The following SORBS2 variants were observed in gnomAD, a reference collection of about 807,000 sequenced individuals.
The protein encoded by SORBS2 is sorbin and SH3 domain-containing protein 2.
Under a neutral mutation model 97.7 loss-of-function variants are expected in SORBS2, and 46 were observed. That is an observed-to-expected ratio of 0.47 (90% CI 0.37 to 0.60). The LOEUF is 0.60. Ranked by LOEUF, SORBS2 falls within the 20% of genes least tolerant of loss-of-function variation. The pLI is 0.00. For synonymous variants in SORBS2, 476 were observed against 473.4 expected (o/e 1.01, Z -0.07); for missense variants, 1,316 against 1,282.3 (o/e 1.03, Z -0.40).
intron 2 of SORBS2, among the ~76,000 whole-genome samples, chr4:185,688,504 A>AG (rs375654813): frequency 0.099 from 10,407 of 104,780 alleles, 468 homozygotes; most frequent in Non-Finnish European, 0.14. Flanking sequence ...ATAGATAGAT[A>AG]AATAGATAGA....
chr4:185,857,730 GTGTC>G (rs2099221356), intron 1 of SORBS2, among the ~76,000 whole-genome samples: 1 of 152,026 alleles, frequency 6.6e-6, no homozygotes, highest in African/African-American at 2.4e-5. Flanking sequence ...CGCTCTGGGA[GTGTC>G]TGTCTTATAC....
At chr4:185,683,014 CAAAAAAAA>C (rs35410308) in intron 2 of SORBS2, among the ~76,000 whole-genome samples, 1 of 109,452 alleles carries the variant, frequency 9.1e-6, no homozygotes, top group African/African-American at 3.4e-5. Flanking sequence ...CCACCCGTCT[CAAAAAAAA>C]AAAAAAAGAA....
At chr4:185,932,468 C>T (rs1374354829) in intron 1 of SORBS2, among the ~76,000 whole-genome samples, 12 of 152,002 alleles carry the variant, frequency 7.9e-5, no homozygotes, top group Non-Finnish European at 1.8e-4. Context: ...TTATCATTAA[C>T]AACAACAAAA....
chr4:185,828,019 C>T (rs1288534208), intron 1 of SORBS2, among the ~76,000 whole-genome samples: 1 of 147,458 alleles, frequency 6.8e-6, no homozygotes, highest in East Asian at 2.0e-4. Context: ...TCGTCACCAT[C>T]ATCATCATCT....
Position 185,694,245 on chromosome 4 carries a change from A to G in SORBS2, c.-197-15423T>C, listed in dbSNP as rs530591169. Among the ~76,000 whole-genome samples, 6 of 152,368 alleles carry G rather than the reference A, an allele frequency of 3.9e-5. No homozygotes were observed. The South Asian group carries it at 1.0e-3, about 26-fold the overall frequency. Reference sequence around the variant, plus strand: ...AAAAAGTGTCCTTGATTGTACTTACATAACAAGCACAGATTATTCTGGAAA... The same window carrying G: ...AAAAAGTGTCCTTGATTGTACTTACGTAACAAGCACAGATTATTCTGGAAA... On this transcript the variant is annotated intron_variant, in intron 2 of 20. Transcript: ENST00000284776.
intron 1 of SORBS2, among the ~76,000 whole-genome samples, chr4:185,873,843 A>T (rs1421604004): frequency 1.3e-5 from 2 of 152,206 alleles, no homozygotes; most frequent in Non-Finnish European, 2.9e-5. Flanking sequence ...ATATAACATG[A>T]ACATTTATAT....
chr4:185,682,697 A>G (rs1162200973), intron 2 of SORBS2, among the ~76,000 whole-genome samples: 1 of 152,182 alleles, frequency 6.6e-6, no homozygotes, highest in African/African-American at 2.4e-5. Context: ...TTCTTTATTC[A>G]AAAATATAAT....
intron 1 of SORBS2, among the ~76,000 whole-genome samples, chr4:185,805,200 T>C (rs2153661509): frequency 6.6e-6 from 1 of 150,554 alleles, no homozygotes; most frequent in East Asian, 2.0e-4. Flanking sequence ...TATATAATTG[T>C]TAAAGTATAA....
intron 2 of SORBS2, among the ~76,000 whole-genome samples, chr4:185,695,878 C>G (rs1326214736): frequency 6.6e-6 from 1 of 152,180 alleles, no homozygotes; most frequent in East Asian, 1.9e-4. Context: ...TGACTAGTTT[C>G]TCTAAATTGG....
intron 2 of SORBS2, among the ~76,000 whole-genome samples, chr4:185,745,799 G>A (rs780500555): frequency 2.0e-4 from 31 of 152,104 alleles, no homozygotes; most frequent in African/African-American, 2.2e-4. Context: ...CTCGGGCTAC[G>A]TGGGGAGGAA....
chr4:185,908,100 G>T (rs2099252151), intron 1 of SORBS2, among the ~76,000 whole-genome samples: 1 of 151,486 alleles, frequency 6.6e-6, no homozygotes. Flanking sequence ...GCATTCTCAG[G>T]ATATTGCTTT....
chr4:185,622,849 G>GA, intron 7 of SORBS2, 65 bp downstream of exon 19: 1 of 1,475,674 alleles, frequency 6.8e-7, no homozygotes, highest in Non-Finnish European at 9.1e-7. Context: ...TGTTGGAATG[G>GA]AAAATGAAAG....
intron 1 of SORBS2, among the ~76,000 whole-genome samples, chr4:185,944,193 C>T (rs563303808): frequency 1.2e-3 from 180 of 152,258 alleles, no homozygotes; most frequent in African/African-American, 4.2e-3. Flanking sequence ...TAGCCAACTA[C>T]TTTTTCTTAA....
At chr4:185,641,762 A>G (rs3749578) in intron 4 of SORBS2, among the ~76,000 whole-genome samples, 46,484 of 147,616 alleles carry the variant, frequency 0.31, 8,163 homozygotes, top group South Asian at 0.54. Context: ...CTTTTCATTA[A>G]AAAAAAAAAA....
intron 1 of SORBS2, among the ~76,000 whole-genome samples, chr4:185,807,670 C>A (rs2099162655): frequency 6.6e-6 from 1 of 152,192 alleles, no homozygotes. Flanking sequence ...TCAACAGTTG[C>A]AGAAGTGTTT....
chr4:185,751,865 C>T lies in SORBS2; in HGVS notation c.-198+23362G>A, dbSNP rs1472131833. ...AGCAGAGTACCTTTGCATTAAGGTGCGATTTAAAAATATGTTATTATCTAG... is the reference window on the plus strand; with the variant it reads ...AGCAGAGTACCTTTGCATTAAGGTGTGATTTAAAAATATGTTATTATCTAG... On this transcript the variant is annotated intron_variant, in intron 2 of 20. Transcript: ENST00000284776. Among the ~76,000 whole-genome samples the T allele has an allele frequency of 2.0e-5, 3 of 152,144 alleles. No homozygotes were observed. The East Asian group carries it at 5.8e-4, about 29-fold the overall frequency.
rs186378751 is a variant in SORBS2 at position 185,858,247 on chromosome 4, G to T, written c.-337-82881C>A. On this transcript the variant is annotated intron_variant, in intron 1 of 20. Transcript: ENST00000284776. ...TGGGGGCTGGTTCCCCCAGTAGTTG[G>T]CTTTATAGGAAGAGGAAGAGAGACT... is the stretch of plus-strand genomic sequence containing the variant. Among the ~76,000 whole-genome samples, 62 of 152,286 alleles carry T rather than the reference G, an allele frequency of 4.1e-4. No individual in the cohort carries two copies. In the East Asian group the frequency reaches 0.012, roughly 29 times the overall value.
rs372754408 is a variant in SORBS2 at position 185,706,136 on chromosome 4, G to A, written c.-197-27314C>T. The stretch of plus-strand genomic sequence containing the variant: ...ATCATGAAAATATTATGCTTGCCAC[G>A]TTGATTTAATCAATCAATTCTAAAT... On this transcript the variant is annotated intron_variant, in intron 2 of 20. Transcript: ENST00000284776. Among the ~76,000 whole-genome samples the A allele has an allele frequency of 4.1e-4, 62 of 152,286 alleles. No homozygotes were observed. In the East Asian group the frequency reaches 7.1e-3, roughly 18 times the overall value.
chr4:185,857,913 C>A (rs1339818384), intron 1 of SORBS2, among the ~76,000 whole-genome samples: 1 of 152,132 alleles, frequency 6.6e-6, no homozygotes, highest in African/African-American at 2.4e-5. Context: ...AGGACATGGA[C>A]CCTCATCAGT....
Sources: gnomAD v4.1 joint callset for allele counts (sites outside exome capture counted in the v4.1 genomes callset) on GRCh38, gnomAD v4.1.1 for gene constraint, MANE v1.5 for transcripts, NCBI Gene and HGNC (gene_info 2026-07-23, HGNC 2026-07-21) for gene names.